HP1BP3: variants seen among roughly 807,000 people sequenced by gnomAD.
The protein encoded by HP1BP3 is heterochromatin protein 1-binding protein 3.
HP1BP3 carries 12 observed loss-of-function variants against 62.5 expected under a neutral mutation model. That is an observed-to-expected ratio of 0.19 (90% CI 0.12 to 0.31). The LOEUF (loss-of-function observed/expected upper bound fraction) is 0.31. Among genes scored for constraint, HP1BP3 ranks in the 10% least tolerant of loss-of-function variants. HP1BP3 has a pLI of 1.00. For synonymous variants in HP1BP3, 260 were observed against 237.8 expected, an observed-to-expected ratio of 1.09 and a Z score of -0.86; for missense variants, 502 against 651.8, an observed-to-expected ratio of 0.77 and a Z score of 2.50.
rs748190661 is a variant in HP1BP3 at position 20,773,505 on chromosome 1, C to T, written c.456G>A (p.Pro152=). 1.5e-5 allele frequency: 25 copies of T among 1,613,112 alleles called. No homozygotes were observed. The East Asian group carries it at 2.0e-4, about 13-fold the overall frequency. The change falls in exon 5 of 13, where the codon CCG becomes CCA. Residue 152 remains proline (P), a synonymous_variant. Coordinates refer to ENST00000438032, the MANE Select transcript of HP1BP3 (RefSeq NM_001372052.1). ...TCTTGGGACGTGGGGAAGAAGCCATCGGTGTTTGTTTCTGGGCCCTGGCTA... is the reference window on the plus strand; with the variant it reads ...TCTTGGGACGTGGGGAAGAAGCCATTGGTGTTTGTTTCTGGGCCCTGGCTA... ...SQLARAQKQT[P]MASSPRPKMD...
chr1:20,746,186 A>ATATGTGTGTGTGTTTGTG (rs1286650893), intron 11 of HP1BP3, among the ~76,000 whole-genome samples: 1 of 143,148 alleles, frequency 7.0e-6, no homozygotes, highest in African/African-American at 2.7e-5. Context: ...ACATACATAT[A>ATATGTGTGTGTGTTTGTG]TGTGTGTGTG....
chr1:20,755,439 G>T (rs1426803333), intron 9 of HP1BP3: 2 of 444,310 alleles, frequency 4.5e-6, no homozygotes, highest in Non-Finnish European at 9.1e-6. Flanking sequence ...AGGCATGGTG[G>T]TGGTGCACGC....
intron 4 of HP1BP3, chr1:20,776,042 A>C: frequency 6.8e-7 from 1 of 1,475,614 alleles, no homozygotes; most frequent in African/African-American, 1.4e-5. Flanking sequence ...AAAATTAAAA[A>C]GTAACTGCCA....
chr1:20,774,610 A>G (rs1431761999), intron 4 of HP1BP3: 2 of 152,186 alleles, frequency 1.3e-5, no homozygotes, highest in East Asian at 3.8e-4. Flanking sequence ...AGCTGTGGTA[A>G]TATCACAGCG....
At chr1:20,777,748 G>A (rs562151724) in intron 3 of HP1BP3, among the ~76,000 whole-genome samples, 11 of 152,138 alleles carry the variant, frequency 7.2e-5, no homozygotes, top group Non-Finnish European at 1.5e-4. Flanking sequence ...GTGAGCCACC[G>A]CGCCCAGCTA....
chr1:20,769,385 T>C (rs568561267), intron 6 of HP1BP3, among the ~76,000 whole-genome samples: 1 of 151,762 alleles, frequency 6.6e-6, no homozygotes, highest in African/African-American at 2.4e-5. Flanking sequence ...TGGCAAAACC[T>C]TGTCTCTACA....
rs2055163346 is a variant in HP1BP3 at position 20,743,951 on chromosome 1, C to A, written c.*846G>T. On this transcript the variant is annotated 3_prime_UTR_variant, in exon 13 of 13. Coordinates refer to ENST00000438032, the MANE Select transcript of HP1BP3 (RefSeq NM_001372052.1). The stretch of plus-strand genomic sequence containing the variant: ...AGGCGTGGTGGTACACACCTGTAAT[C>A]CCAGCTACTCGGGAGGCTGAAGCAG... 1 of 152,192 alleles carries A rather than the reference C, an allele frequency of 6.6e-6. No individual in the cohort carries two copies. Among genetic ancestry groups the A allele is most frequent in the Non-Finnish European group, 1.5e-5 (1 of 68,134 alleles). 9.4% of individuals were successfully genotyped at this position (152,192 alleles called of 1,614,324 possible).
intron 3 of HP1BP3, 95 bp from the exon 4 acceptor site, chr1:20,776,845 A>G (rs894562234): frequency 9.8e-7 from 1 of 1,021,702 alleles, no homozygotes; most frequent in Non-Finnish European, 1.4e-6. Context: ...GACCAGCCAA[A>G]GTCTCCAATT....
intron 7 of HP1BP3, among the ~76,000 whole-genome samples, chr1:20,766,034 G>A (rs1423852744): frequency 6.6e-6 from 1 of 151,864 alleles, no homozygotes; most frequent in African/African-American, 2.4e-5. Flanking sequence ...GCTCACGTCT[G>A]TAATCCCAGC....
chr1:20,766,304 C>A (rs570469361), intron 7 of HP1BP3, among the ~76,000 whole-genome samples: 7 of 151,876 alleles, frequency 4.6e-5, no homozygotes, highest in Admixed American at 1.3e-4. Context: ...AACACACACA[C>A]AAAAAACACA....
intron 8 of HP1BP3, among the ~76,000 whole-genome samples, chr1:20,757,701 C>T (rs749597203): frequency 2.6e-5 from 4 of 152,002 alleles, no homozygotes; most frequent in Admixed American, 1.3e-4. Flanking sequence ...TGACTTCTAA[C>T]GCTGTATGAC....
chr1:20,744,854 T>C lies in HP1BP3; in HGVS notation c.1605A>G (p.Val535=), dbSNP rs546214064. 33 of 1,614,006 alleles carry C rather than the reference T, an allele frequency of 2.0e-5. No homozygotes were observed. The highest frequency in any genetic ancestry group is 3.4e-4 in the Middle Eastern group (2 of 5,960). Residue 535 remains valine (V), a synonymous_variant, in exon 13 of 13, where the codon GTA becomes GTG. Coordinates refer to ENST00000438032, the MANE Select transcript of HP1BP3 (RefSeq NM_001372052.1). ...TGGATTTGCCCTTGCCCGGCAATTTTACTTCCTTTCTTGCACTGGTTGCAG... is the reference window on the plus strand; with the variant it reads ...TGGATTTGCCCTTGCCCGGCAATTTCACTTCCTTTCTTGCACTGGTTGCAG... The part of the protein sequence containing the change: ...KKPATSARKE[V]KLPGKGKSTM...
intron 9 of HP1BP3, among the ~76,000 whole-genome samples, chr1:20,751,466 T>G (rs2055746443): frequency 6.6e-6 from 1 of 152,122 alleles, no homozygotes; most frequent in Non-Finnish European, 1.5e-5. Context: ...AGTTCATATC[T>G]GTAATCCCAG....
At chr1:20,761,788 T>C (rs1298850403) in intron 8 of HP1BP3, among the ~76,000 whole-genome samples, 2 of 152,162 alleles carry the variant, frequency 1.3e-5, no homozygotes, top group African/African-American at 4.8e-5. Context: ...GCAGAAATCC[T>C]TAGGAGATTG....
intron 9 of HP1BP3, among the ~76,000 whole-genome samples, chr1:20,752,666 A>C (rs1178210847): frequency 6.6e-6 from 1 of 152,140 alleles, no homozygotes; most frequent in Non-Finnish European, 1.5e-5. Flanking sequence ...ACCACAGATA[A>C]AGGCAGAGAC....
In HP1BP3 at chr1:20,780,495, A is replaced by G. The variant is rs1557675818; in HGVS notation, c.-55T>C. ...TTACACTCTGAAGCCTCTGCTGTTA[A>G]CCACAAGGATTTTTCCTAATGGTTT... is the stretch of plus-strand genomic sequence containing the variant. On this transcript the variant is annotated 5_prime_UTR_variant, in exon 2 of 13. Coordinates refer to ENST00000438032, the MANE Select transcript of HP1BP3 (RefSeq NM_001372052.1). 4 of 1,267,530 alleles carry G rather than the reference A, an allele frequency of 3.2e-6. No homozygotes were observed. Among genetic ancestry groups the G allele is most frequent in the Non-Finnish European group, 4.6e-6 (4 of 866,256 alleles). The allele number at this position is 1,267,530 out of a possible 1,614,324, so 78.5% of individuals were successfully genotyped here.
At position 20,740,421 on chromosome 1, in the gene HP1BP3, AAC is replaced by A. The variant is rs1284248088; in HGVS notation, c.*4374_*4375del. On this transcript the variant is annotated 3_prime_UTR_variant, in exon 13 of 13. Transcript: ENST00000438032. The stretch of plus-strand genomic sequence containing the variant: ...CAGTGGTTGACAAGACAGAATTAAG[AAC>A]AGTTAAAACAGTTAAAAAGCTGATA... Among the ~76,000 whole-genome samples the A allele has an allele frequency of 1.5e-4, 23 of 152,242 alleles. No individual in the cohort carries two copies. The highest frequency in any genetic ancestry group is 1.4e-3 in the Admixed American group (22 of 15,284).
At chr1:20,758,803 T>C (rs2056287329) in intron 8 of HP1BP3, among the ~76,000 whole-genome samples, 1 of 151,890 alleles carries the variant, frequency 6.6e-6, no homozygotes, top group East Asian at 1.9e-4. Flanking sequence ...CACATGCCAC[T>C]ACACCAGCTA....
intron 3 of HP1BP3, among the ~76,000 whole-genome samples, 175 bp from the exon 4 acceptor site, chr1:20,776,925 A>C (rs2057329718): frequency 1.3e-5 from 2 of 152,362 alleles, no homozygotes; most frequent in Middle Eastern, 3.4e-3. Context: ...ATGTCACTCA[A>C]GTTTCCTGGT....
Sources: gnomAD v4.1 joint callset for allele counts (sites outside exome capture counted in the v4.1 genomes callset) on GRCh38, gnomAD v4.1.1 for gene constraint, MANE v1.5 for transcripts, NCBI Gene and HGNC (gene_info 2026-07-23, HGNC 2026-07-21) for gene names.